The following SPATA6 variants were observed in gnomAD, a reference collection of about 807,000 sequenced individuals.
The protein encoded by SPATA6 is spermatogenesis-associated protein 6.
SPATA6 carries 56 observed loss-of-function variants against 65.3 expected under a neutral mutation model. The observed-to-expected ratio is 0.86, with a 90% CI of 0.69 to 1.07. SPATA6 has a LOEUF of 1.07. SPATA6 is among the 50% of genes least tolerant of loss of function. The pLI is 0.00. For synonymous variants in SPATA6, 199 were observed against 213.2 expected (o/e 0.93, Z 0.58); for missense variants, 590 against 594.8 (o/e 0.99, Z 0.08).
At chr1:48,397,361 C>G (rs933359544) in intron 7 of SPATA6, among the ~76,000 whole-genome samples, 1 of 151,470 alleles carries the variant, frequency 6.6e-6, no homozygotes, top group Non-Finnish European at 1.5e-5. Context: ...TATATTCTAC[C>G]ACAATAGAAA....
chr1:48,322,777 T>C (rs1334969044), intron 11 of SPATA6, among the ~76,000 whole-genome samples: 1 of 152,208 alleles, frequency 6.6e-6, no homozygotes, highest in Non-Finnish European at 1.5e-5. Flanking sequence ...AACAGACACT[T>C]CTCAAAAGAA....
intron 11 of SPATA6, among the ~76,000 whole-genome samples, chr1:48,347,550 ATTAAT>A (rs149972384): frequency 0.015 from 2,218 of 148,106 alleles, 50 homozygotes; most frequent in African/African-American, 0.051. Context: ...TAATTATATA[ATTAAT>A]TTAAGTACAG....
At chr1:48,307,737 C>G (rs1035555902) in intron 11 of SPATA6, among the ~76,000 whole-genome samples, 7 of 151,612 alleles carry the variant, frequency 4.6e-5, no homozygotes, top group East Asian at 3.9e-4. Flanking sequence ...TCTTTCTATT[C>G]TATCAGTTTT....
At chr1:48,404,241 C>T (rs72895122) in intron 5 of SPATA6, among the ~76,000 whole-genome samples, 3,769 of 151,726 alleles carry the variant, frequency 0.025, 102 homozygotes, top group African/African-American at 0.068. Context: ...TTACAACTTA[C>T]GACATATTTA....
chr1:48,378,373 T>C (rs1648165517), intron 9 of SPATA6, among the ~76,000 whole-genome samples: 1 of 152,214 alleles, frequency 6.6e-6, no homozygotes, highest in South Asian at 2.1e-4. Context: ...TTTCCAAGCT[T>C]ATATCTCTAG....
In SPATA6 at chr1:48,423,566, T is replaced by TTC. The variant is rs199921325; in HGVS notation, c.239-10416_239-10415insGA. Among the ~76,000 whole-genome samples the TTC allele has an allele frequency of 2.7e-3, 315 of 117,492 alleles. 2 individuals carry two copies. The highest frequency in any genetic ancestry group is 0.016 in the East Asian group (72 of 4,440). The allele number at this position is 117,492 out of a possible 152,430, so 77.1% of individuals were successfully genotyped here. ...TGTTTAATTTTCTTTCTTTCTTTCT[T>TTC]TTTTTTTTTTTTTTTTTGTCACACA... On this transcript the variant is annotated intron_variant, in intron 3 of 12. Coordinates refer to ENST00000371847, the MANE Select transcript of SPATA6 (RefSeq NM_019073.4).
At chr1:48,435,335 G>T (rs940385069) in intron 3 of SPATA6, among the ~76,000 whole-genome samples, 1 of 151,598 alleles carries the variant, frequency 6.6e-6, no homozygotes, top group African/African-American at 2.4e-5. Flanking sequence ...CTAGCTAAAG[G>T]ATTGTAAATG....
downstream of SPATA6, among the ~76,000 whole-genome samples, chr1:48,290,655 A>T (rs1344584705): frequency 3.9e-5 from 6 of 151,966 alleles, no homozygotes; most frequent in African/African-American, 9.7e-5. Flanking sequence ...GAGGAAGATC[A>T]ACCAAGCAAA....
intron 3 of SPATA6, among the ~76,000 whole-genome samples, chr1:48,418,495 C>T (rs557562914): frequency 7.6e-6 from 1 of 131,770 alleles, no homozygotes; most frequent in South Asian, 2.4e-4. Context: ...GTTGCTTGAG[C>T]CCCGGAGTTC....
At chr1:48,312,120 G>A (rs1645233809) in intron 11 of SPATA6, among the ~76,000 whole-genome samples, 1 of 152,328 alleles carries the variant, frequency 6.6e-6, no homozygotes, top group South Asian at 2.1e-4. Flanking sequence ...GCCTCCCACT[G>A]TAGACTCCAC....
chr1:48,461,262 C>T (rs976414037), intron 1 of SPATA6, among the ~76,000 whole-genome samples: 21 of 152,052 alleles, frequency 1.4e-4, no homozygotes, highest in Non-Finnish European at 2.5e-4. Context: ...GAGTAGGTTG[C>T]GAAAATTTTC....
the SPATA6 span, among the ~76,000 whole-genome samples, chr1:48,273,012 T>G: frequency 6.6e-6 from 1 of 152,196 alleles, no homozygotes; most frequent in East Asian, 1.9e-4. Flanking sequence ...TATTTAGGAT[T>G]TAACCCCTTA....
intron 11 of SPATA6, chr1:48,325,804 C>T (rs1356308183): frequency 2.3e-6 from 1 of 443,382 alleles, no homozygotes; most frequent in East Asian, 5.1e-5. Context: ...TCGGAATTTG[C>T]TGAGGCTTGT....
intron 12 of SPATA6, among the ~76,000 whole-genome samples, chr1:48,303,312 A>T (rs192834503): frequency 2.7e-4 from 41 of 152,286 alleles, no homozygotes; most frequent in African/African-American, 9.9e-4. Flanking sequence ...TGTGAAATAT[A>T]CAACAAATTT....
the SPATA6 span, among the ~76,000 whole-genome samples, chr1:48,267,065 A>G: frequency 6.6e-6 from 1 of 152,034 alleles, no homozygotes; most frequent in African/African-American, 2.4e-5. Flanking sequence ...ATAGTGAGCT[A>G]TATAATAATA....
downstream of SPATA6, among the ~76,000 whole-genome samples, chr1:48,291,682 G>C (rs1187693128): frequency 6.6e-6 from 1 of 152,222 alleles, no homozygotes; most frequent in African/African-American, 2.4e-5. Context: ...TCCCAGCTGA[G>C]AAAGCAAGCG....
At chr1:48,267,728 G>A in the SPATA6 span, among the ~76,000 whole-genome samples, 5 of 146,870 alleles carry the variant, frequency 3.4e-5, no homozygotes, top group Admixed American at 6.9e-5. Flanking sequence ...TCCAGCGCTC[G>A]AGTCTGTGAC....
chr1:48,318,961 C>G (rs943140926), intron 11 of SPATA6, among the ~76,000 whole-genome samples: 1 of 151,978 alleles, frequency 6.6e-6, no homozygotes, highest in Non-Finnish European at 1.5e-5. Flanking sequence ...AGAAATAAAC[C>G]CATACATTTA....
chr1:48,400,896 C>T, intron 6 of SPATA6: 1 of 1,143,082 alleles, frequency 8.7e-7, no homozygotes, highest in East Asian at 6.7e-5. Flanking sequence ...TCCATTTCAC[C>T]CATCTCTGTG....
Sources: allele counts gnomAD v4.1 joint callset (sites outside exome capture counted in the v4.1 genomes callset), GRCh38; gene constraint gnomAD v4.1.1; transcripts MANE v1.5; gene names NCBI Gene and HGNC (gene_info 2026-07-23, HGNC 2026-07-21).